The following FRMD6 variants were observed in gnomAD, a reference collection of about 807,000 sequenced individuals.
The protein encoded by FRMD6 is FERM domain containing 6, also known as FERM domain-containing protein 6.
Under a neutral mutation model 73.2 loss-of-function variants are expected in FRMD6, and 37 were observed. The ratio of observed to expected loss-of-function variants is 0.51; its 90% CI spans 0.39 to 0.66. The LOEUF (loss-of-function observed/expected upper bound fraction) is 0.66, where lower values mean the gene tolerates loss of function less well. Among genes scored for constraint, FRMD6 ranks in the 30% least tolerant of loss-of-function variants. The pLI, the probability that FRMD6 is intolerant of heterozygous loss-of-function variation, is 0.00. For missense variants in FRMD6, 714 were observed against 780.5 expected (o/e 0.91, Z 1.02); for synonymous variants, 273 against 282.2 (o/e 0.97, Z 0.33).
chr14:51,465,068 A>C, the FRMD6 span, among the ~76,000 whole-genome samples: 1 of 152,194 alleles, frequency 6.6e-6, no homozygotes, highest in Non-Finnish European at 1.5e-5. Flanking sequence ...AATATCAAAA[A>C]AGGAACCAAA....
intron 1 of FRMD6, among the ~76,000 whole-genome samples, chr14:51,678,513 C>T (rs989236721): frequency 1.2e-4 from 18 of 152,152 alleles, no homozygotes; most frequent in Non-Finnish European, 2.1e-4. Flanking sequence ...CTCTGACCAA[C>T]GCTGACTCCC....
At chr14:51,503,151 A>T (rs1369359841) in intron 1 of FRMD6, among the ~76,000 whole-genome samples, 1 of 152,190 alleles carries the variant, frequency 6.6e-6, no homozygotes, top group African/African-American at 2.4e-5. Context: ...AACAAAGATA[A>T]TTTGGCTTCC....
the FRMD6 span, among the ~76,000 whole-genome samples, chr14:51,407,538 A>G: frequency 6.6e-6 from 1 of 151,948 alleles, no homozygotes; most frequent in African/African-American, 2.4e-5. Context: ...TTTCATGGGT[A>G]TAGAATCATT....
At chr14:51,563,549 A>C (rs533376794) in intron 1 of FRMD6, among the ~76,000 whole-genome samples, 2 of 152,304 alleles carry the variant, frequency 1.3e-5, no homozygotes, top group African/African-American at 4.8e-5. Flanking sequence ...GGGTGCCTGT[A>C]ATCCCAGCTA....
At chr14:51,686,259 T>C (rs1324716473) in intron 1 of FRMD6, among the ~76,000 whole-genome samples, 1 of 152,174 alleles carries the variant, frequency 6.6e-6, no homozygotes, top group African/African-American at 2.4e-5. Context: ...GTTTCCCCTG[T>C]TGCTAACATC....
At chr14:51,468,242 T>A in the FRMD6 span, among the ~76,000 whole-genome samples, 1 of 136,934 alleles carries the variant, frequency 7.3e-6, no homozygotes, top group Non-Finnish European at 1.5e-5. Flanking sequence ...ATGGTGGCAG[T>A]ACAGTCCAGC....
At chr14:51,543,092 CAA>C (rs1451969301) in intron 1 of FRMD6, among the ~76,000 whole-genome samples, 1 of 151,896 alleles carries the variant, frequency 6.6e-6, no homozygotes, top group Non-Finnish European at 1.5e-5. Context: ...TTACTTTTGA[CAA>C]AGTCTAATTT....
chr14:51,722,027 G>T lies in FRMD6; in HGVS notation c.1439G>T (p.Cys480Phe), dbSNP rs755800711. 7.4e-6 allele frequency: 12 copies of T among 1,614,002 alleles called. No individual in the cohort carries two copies. The highest frequency in any genetic ancestry group is 1.7e-5 in the Admixed American group (1 of 60,002). Reference sequence around the variant, plus strand: ...TCTCTGGAAGTCAGCCCAGACATGTGCATCTACATCACAGAGGACATGCTC... The same window carrying T: ...TCTCTGGAAGTCAGCCCAGACATGTTCATCTACATCACAGAGGACATGCTC... ...EESLEVSPDM[C>F]IYITEDMLMS... Residue 480 changes from cysteine to phenylalanine, a missense_variant, in exon 12 of 14, where the codon TGC (cysteine) becomes TTC (phenylalanine). Physicochemically the swap from Cys to Phe is radical, Grantham distance 205. Transcript: ENST00000344768.
At chr14:51,413,150 T>A in the FRMD6 span, among the ~76,000 whole-genome samples, 1 of 151,646 alleles carries the variant, frequency 6.6e-6, no homozygotes, top group Non-Finnish European at 1.5e-5. Flanking sequence ...ACTACCACAC[T>A]CAGCTAATTT....
chr14:51,704,268 G>A (rs1366264688), intron 5 of FRMD6, among the ~76,000 whole-genome samples: 3 of 152,020 alleles, frequency 2.0e-5, no homozygotes, highest in African/African-American at 4.8e-5. Flanking sequence ...CTTATAAAGG[G>A]CCTTAGAGTA....
At chr14:51,459,030 C>T in the FRMD6 span, among the ~76,000 whole-genome samples, 40 of 152,280 alleles carry the variant, frequency 2.6e-4, no homozygotes, top group African/African-American at 7.5e-4. Flanking sequence ...CAGAAGCGTA[C>T]GGAGCATCGG....
At chr14:51,544,676 A>G (rs1013433762) in intron 1 of FRMD6, among the ~76,000 whole-genome samples, 5 of 150,020 alleles carry the variant, frequency 3.3e-5, no homozygotes, top group Admixed American at 6.6e-5. Flanking sequence ...TACTGTTTAC[A>G]GTTTTTTTTT....
At chr14:51,521,152 GA>G in intron 1 of FRMD6, among the ~76,000 whole-genome samples, 1 of 152,236 alleles carries the variant, frequency 6.6e-6, no homozygotes, top group African/African-American at 2.4e-5. Flanking sequence ...CTGAGGTGAC[GA>G]AAATGTTCTG....
At position 51,627,292 on chromosome 14, in the gene FRMD6, T is replaced by A. The variant is rs190534789; in HGVS notation, c.-147+56882T>A. Among the ~76,000 whole-genome samples the A allele has an allele frequency of 2.0e-5, 3 of 152,330 alleles. No homozygotes were observed. The East Asian group carries it at 5.8e-4, about 29-fold the overall frequency. On this transcript the variant is annotated intron_variant, in intron 2 of 14. Transcript: ENST00000356218. ...ACTTATTTTCTTCAATAACATAAAT[T>A]GCAAATTGATAATCTCAACTTCTTA...
In FRMD6 at chr14:51,689,672, C is replaced by T; in HGVS notation, c.-146-19C>T. 2 of 616,862 alleles carry T rather than the reference C, an allele frequency of 3.2e-6. No homozygotes were observed. Among genetic ancestry groups the T allele is most frequent in the Non-Finnish European group, 5.9e-6 (2 of 338,590 alleles). The allele number at this position is 616,862 out of a possible 1,614,324, so 38.2% of individuals were successfully genotyped here. ...TTCACCGCCTTTCTTCAGGAGTCTCCCCTTTGGCTTTTTCACAGCTATGAA... is the reference window on the plus strand; with the variant it reads ...TTCACCGCCTTTCTTCAGGAGTCTCTCCTTTGGCTTTTTCACAGCTATGAA... On this transcript the variant is annotated intron_variant, in intron 1 of 13. Coordinates refer to ENST00000344768, the MANE Select transcript of FRMD6 (RefSeq NM_001267046.2).
At chr14:51,539,137 C>A (rs1886068140) in intron 1 of FRMD6, among the ~76,000 whole-genome samples, 1 of 151,924 alleles carries the variant, frequency 6.6e-6, no homozygotes, top group South Asian at 2.1e-4. Context: ...CGTTTTTGAC[C>A]TTTTTTCAAT....
At chr14:51,485,147 T>C (rs1329417354), upstream of FRMD6, among the ~76,000 whole-genome samples, 2 of 152,198 alleles carry the variant, frequency 1.3e-5, no homozygotes, top group Non-Finnish European at 2.9e-5. Context: ...TCTAAGAACA[T>C]GGTTACAGAG....
Position 51,720,273 on chromosome 14 carries a change from A to C in FRMD6, c.1243A>C (p.Ser415Arg), listed in dbSNP as rs2140623643. 4.3e-6 allele frequency: 7 copies of C among 1,614,014 alleles called. No individual in the cohort carries two copies. The South Asian group carries it at 7.7e-5, about 18-fold the overall frequency. ...DTGPEDSYSSSAIHRKLKTCS... is the reference protein window; with the variant it reads ...DTGPEDSYSSRAIHRKLKTCS... The stretch of plus-strand genomic sequence containing the variant: ...GGGGCCAGAAGACAGCTACTCCAGC[A>C]GTGCCATCCACCGCAAGCTGAAAAC... Residue 415 changes from serine (S) to arginine (R), a missense_variant, in exon 11 of 14, where the codon AGT becomes CGT. Coordinates refer to ENST00000344768, the MANE Select transcript of FRMD6 (RefSeq NM_001267046.2).
chr14:51,636,312 G>C (rs993511255), intron 2 of FRMD6, among the ~76,000 whole-genome samples: 3 of 152,214 alleles, frequency 2.0e-5, no homozygotes, highest in East Asian at 1.9e-4. Context: ...AAATCTTAGA[G>C]TCCTTCCCAG....
Sources: gnomAD v4.1 joint callset for allele counts (sites outside exome capture counted in the v4.1 genomes callset) on GRCh38, gnomAD v4.1.1 for gene constraint, MANE v1.5 for transcripts, NCBI Gene and HGNC (gene_info 2026-07-23, HGNC 2026-07-21) for gene names.